The following SSX5 variants were observed in gnomAD, a reference collection of about 807,000 sequenced individuals.
SSX5 encodes the protein protein SSX5.
In SSX5, 14 loss-of-function variants were observed where a neutral mutation model predicts 14.9. That is an observed-to-expected ratio of 0.94 (90% CI 0.62 to 1.47). The LOEUF is 1.47. SSX5 is among the 40% of genes most tolerant of loss of function. SSX5 has a pLI of 0.00. For synonymous variants in SSX5, 70 were observed against 55.4 expected (o/e 1.26, Z -1.17); for missense variants, 204 against 154.6 (o/e 1.32, Z -1.70).
chrX:48,196,431 G>A (rs1457399744), intron 1 of SSX5, among the ~76,000 whole-genome samples: 2 of 105,495 alleles, frequency 1.9e-5, no homozygotes, highest in African/African-American at 7.0e-5. Context: ...CCAGGCTGGG[G>A]TGCACTGGCG....
Position 48,186,596 on chromosome X carries a change from T to G in SSX5, c.*265A>C. The G allele has an allele frequency of 2.0e-6, 1 of 495,249 alleles. No individual in the cohort carries two copies. Among genetic ancestry groups the G allele is most frequent in the South Asian group, 3.1e-5 (1 of 32,495 alleles). The allele number at this position is 495,249 out of a possible 1,213,427, so 40.8% of individuals were successfully genotyped here. ...GAGGTAGGTGCATGGATACACAAACTGAAATATGCATTAAGTATGTCTTGC... is the reference window on the plus strand; with the variant it reads ...GAGGTAGGTGCATGGATACACAAACGGAAATATGCATTAAGTATGTCTTGC... On this transcript the variant is annotated 3_prime_UTR_variant, in exon 8 of 8. Coordinates refer to ENST00000347757, the MANE Select transcript of SSX5 (RefSeq NM_175723.2).
Position 48,194,163 on chromosome X carries a change from A to C in SSX5, c.246T>G (p.Asn82Lys), listed in dbSNP as rs2059430792. ...RNKRVADFQG[N>K]DFDNDPNRGN... ...CACGGTTAGGGTCATTATCAAAATCATTCCCCTGGAAGTCTGCGACCCGTT... is the reference window on the plus strand; with the variant it reads ...CACGGTTAGGGTCATTATCAAAATCCTTCCCCTGGAAGTCTGCGACCCGTT... Residue 82 changes from asparagine to lysine, a missense_variant, in exon 4 of 8, where the codon AAT becomes AAG. By Grantham distance (94) the Asn-to-Lys change is moderately conservative. Coordinates refer to ENST00000347757, the MANE Select transcript of SSX5 (RefSeq NM_175723.2). 7.5e-6 allele frequency: 9 copies of C among 1,207,990 alleles called. No individual in the cohort carries two copies. The highest frequency in any genetic ancestry group is 6.7e-6 in the Non-Finnish European group (6 of 894,707).
At chrX:48,189,727 A>G (rs2059412478) in intron 6 of SSX5, among the ~76,000 whole-genome samples, 2 of 112,011 alleles carry the variant, frequency 1.8e-5, no homozygotes, top group Admixed American at 1.9e-4. Flanking sequence ...ATATCTCTGA[A>G]GTACACCTAT....
At chrX:48,195,457 A>T in intron 1 of SSX5, 79 bp from the exon 2 acceptor site, 1 of 962,154 alleles carries the variant, frequency 1.0e-6, no homozygotes, top group South Asian at 2.2e-5. Flanking sequence ...AAGTCTGGCC[A>T]CACTCAGTCA....
intron 5 of SSX5, among the ~76,000 whole-genome samples, chrX:48,191,067 G>A (rs549574451): frequency 2.7e-5 from 3 of 109,921 alleles, no homozygotes; most frequent in Admixed American, 9.8e-5. Flanking sequence ...ACCACGCCCC[G>A]CTAAGTTTTG....
chrX:48,193,519 G>A (rs782583169), intron 4 of SSX5, among the ~76,000 whole-genome samples: 2 of 110,862 alleles, frequency 1.8e-5, no homozygotes, highest in East Asian at 5.6e-4. Context: ...AGGCTGCGGC[G>A]GGTGGATCAC....
At chrX:48,189,307 G>A (rs1437090708) in intron 6 of SSX5, among the ~76,000 whole-genome samples, 7 of 112,408 alleles carry the variant, frequency 6.2e-5, no homozygotes, top group Non-Finnish European at 1.3e-4. Context: ...TTTGAAAGAA[G>A]TTCTACTGTG....
intron 4 of SSX5, among the ~76,000 whole-genome samples, chrX:48,193,232 G>A (rs1193525565): frequency 2.6e-4 from 28 of 107,100 alleles, no homozygotes; most frequent in African/African-American, 8.9e-4. Context: ...GAAGTTTTTG[G>A]CGGATCTACA....
chrX:48,186,992 T>A (rs12842603), intron 7 of SSX5, 136 bp from the exon 8 acceptor site: 393,633 of 789,632 alleles, frequency 0.5, 71,413 homozygotes, highest in Admixed American at 0.61. Context: ...ACGCCTTCCA[T>A]GGTTCCTTGA....
At chrX:48,195,072 A>T in intron 2 of SSX5, 1 of 1,211,613 alleles carries the variant, frequency 8.3e-7, no homozygotes, top group Non-Finnish European at 1.1e-6. Flanking sequence ...CCCACCTTCC[A>T]GAACGGACTG....
rs140795223 is a variant in SSX5 at position 48,192,716 on chromosome X, T to G, written c.281-435A>C. 4.6e-3 allele frequency among the ~76,000 whole-genome samples: 518 copies of G among 112,228 alleles called. 3 individuals are homozygous for G. The highest frequency in any genetic ancestry group is 0.016 in the African/African-American group (502 of 30,949). The stretch of plus-strand genomic sequence containing the variant: ...ATGATTTAGTCCAGTGGCTCTGAAA[T>G]ATTTTCAGTACAAAGACAGTCCTTT... On this transcript the variant is annotated intron_variant, in intron 4 of 7. Coordinates refer to ENST00000347757, the MANE Select transcript of SSX5 (RefSeq NM_175723.2).
At position 48,186,696 on chromosome X, in the gene SSX5, T is replaced by C. The variant is rs1364565358; in HGVS notation, c.*165A>G. On this transcript the variant is annotated 3_prime_UTR_variant, in exon 8 of 8. Coordinates refer to ENST00000347757, the MANE Select transcript of SSX5 (RefSeq NM_175723.2). Reference sequence around the variant, plus strand: ...TACAACAGAAACACTAACATCGAACTCTTGGCACACTAAGAAAAATGACGC... The same window carrying C: ...TACAACAGAAACACTAACATCGAACCCTTGGCACACTAAGAAAAATGACGC... 4.2e-5 allele frequency: 42 copies of C among 992,078 alleles called. No homozygotes were observed. Among genetic ancestry groups the C allele is most frequent in the Admixed American group, 7.1e-5 (3 of 42,019 alleles). 81.8% of individuals were successfully genotyped at this position (992,078 alleles called of 1,213,427 possible). A position where few individuals can be genotyped will look rare whatever the true frequency, so the allele number is the denominator to read the frequency against.
intron 4 of SSX5, among the ~76,000 whole-genome samples, chrX:48,193,086 G>T (rs1556925103): frequency 8.9e-6 from 1 of 111,766 alleles, no homozygotes. Flanking sequence ...GAGAATCAGG[G>T]TTCTTTGGGA....
intron 5 of SSX5, among the ~76,000 whole-genome samples, chrX:48,191,561 A>G (rs2059420230): frequency 9.0e-6 from 1 of 111,633 alleles, no homozygotes; most frequent in African/African-American, 3.3e-5. Flanking sequence ...TAAGCCATGC[A>G]AGTGGCCCCA....
chrX:48,187,316 C>T (rs1362423745), intron 7 of SSX5, among the ~76,000 whole-genome samples: 1 of 110,538 alleles, frequency 9.0e-6, no homozygotes, highest in African/African-American at 3.3e-5. Flanking sequence ...AAAAATTACC[C>T]GGTCGTGGTG....
At chrX:48,192,112 G>C (rs1466057828) in intron 5 of SSX5, 120 bp downstream of exon 5, 4 of 1,101,654 alleles carry the variant, frequency 3.6e-6, no homozygotes, top group Non-Finnish European at 5.0e-6. Context: ...ATCAGGTGTT[G>C]TGATAGACAT....
chrX:48,192,414 G>C, intron 4 of SSX5, 133 bp from the exon 5 acceptor site: 1 of 987,024 alleles, frequency 1.0e-6, no homozygotes, highest in Non-Finnish European at 1.4e-6. Flanking sequence ...TTTGAGATTT[G>C]CTTCTGAATT....
At chrX:48,195,971 G>A (rs2059439474) in intron 1 of SSX5, among the ~76,000 whole-genome samples, 1 of 111,628 alleles carries the variant, frequency 9.0e-6, no homozygotes, top group African/African-American at 3.3e-5. Flanking sequence ...GGAACACTTA[G>A]AGAGAATGTG....
chrX:48,190,302 C>T, intron 5 of SSX5, 34 bp from the exon 6 acceptor site: 1 of 1,165,353 alleles, frequency 8.6e-7, no homozygotes, highest in Non-Finnish European at 1.1e-6. Context: ...TAAACAGTAT[C>T]AGTGACATTT....
Sources: gnomAD v4.1 joint callset for allele counts (sites outside exome capture counted in the v4.1 genomes callset) on GRCh38, gnomAD v4.1.1 for gene constraint, MANE v1.5 for transcripts, NCBI Gene and HGNC (gene_info 2026-07-23, HGNC 2026-07-21) for gene names.